The following SHISA9 variants were observed in gnomAD, a reference collection of about 807,000 sequenced individuals.
The protein encoded by SHISA9 is protein shisa-9.
Under a neutral mutation model 38.0 loss-of-function variants are expected in SHISA9, and 13 were observed. That is an observed-to-expected ratio of 0.34 (90% CI 0.22 to 0.54). SHISA9 has a LOEUF of 0.54. Among genes scored for constraint, SHISA9 ranks in the 20% least tolerant of loss-of-function variants. The probability of loss-of-function intolerance (pLI) is 0.91; values close to 1 mark genes in which losing one functional copy is unlikely to be tolerated. For synonymous variants in SHISA9, 275 were observed against 242.0 expected (o/e 1.14, Z -1.27); for missense variants, 538 against 575.8 (o/e 0.93, Z 0.67).
At chr16:13,450,765 T>C in the SHISA9 span, among the ~76,000 whole-genome samples, 1 of 151,892 alleles carries the variant, frequency 6.6e-6, no homozygotes, top group South Asian at 2.1e-4. Context: ...AAAATCTGTG[T>C]TGTTGTTTTG....
At chr16:12,953,832 AG>A (rs898776511) in intron 2 of SHISA9, among the ~76,000 whole-genome samples, 3 of 152,140 alleles carry the variant, frequency 2.0e-5, no homozygotes, top group African/African-American at 7.2e-5. Flanking sequence ...TGGAAGGCAA[AG>A]GGGAAACAAG....
intron 2 of SHISA9, among the ~76,000 whole-genome samples, chr16:13,036,765 C>T (rs1244109669): frequency 2.6e-5 from 4 of 151,322 alleles, no homozygotes; most frequent in African/African-American, 9.7e-5. Context: ...AAAAAGCTCC[C>T]ACAGCAAAAG....
chr16:13,053,368 C>T (rs1275909268), intron 2 of SHISA9, among the ~76,000 whole-genome samples: 1 of 152,184 alleles, frequency 6.6e-6, no homozygotes, highest in Non-Finnish European at 1.5e-5. Context: ...CCATTACCTC[C>T]AGCATGGTCC....
At chr16:13,391,242 A>C in the SHISA9 span, among the ~76,000 whole-genome samples, 3 of 152,156 alleles carry the variant, frequency 2.0e-5, no homozygotes, top group African/African-American at 4.8e-5. Context: ...CCTTACATTA[A>C]ATTGTACTAA....
intron 2 of SHISA9, among the ~76,000 whole-genome samples, chr16:12,931,620 A>G (rs1194793011): frequency 1.3e-5 from 2 of 152,148 alleles, no homozygotes; most frequent in Non-Finnish European, 2.9e-5. Flanking sequence ...ACATGATTTC[A>G]TTCTCTTTTT....
At chr16:12,944,838 A>T (rs1258212038) in intron 2 of SHISA9, among the ~76,000 whole-genome samples, 1 of 152,092 alleles carries the variant, frequency 6.6e-6, no homozygotes, top group Non-Finnish European at 1.5e-5. Flanking sequence ...TGAGACAAGG[A>T]TATGAGGACA....
At position 13,111,603 on chromosome 16, in the gene SHISA9, A is replaced by G. The variant is rs1050989344; in HGVS notation, c.692-91791A>G. On this transcript the variant is annotated intron_variant, in intron 2 of 4. Coordinates refer to ENST00000558583, the MANE Select transcript of SHISA9 (RefSeq NM_001145204.3). The stretch of plus-strand genomic sequence containing the variant: ...AGAAAGGCCAGAGTAAACATTAACT[A>G]TCATTACTATTAGTTTGAAATTTAT... 3.3e-5 allele frequency among the ~76,000 whole-genome samples: 5 copies of G among 152,204 alleles called. No homozygotes were observed. The South Asian group carries it at 6.2e-4, about 19-fold the overall frequency.
At chr16:13,463,309 A>C in the SHISA9 span, among the ~76,000 whole-genome samples, 1 of 152,196 alleles carries the variant, frequency 6.6e-6, no homozygotes, top group South Asian at 2.1e-4. Flanking sequence ...ACTAAGTAGC[A>C]GGTGTGGAGA....
intron 2 of SHISA9, among the ~76,000 whole-genome samples, chr16:12,922,682 G>C (rs1436842183): frequency 1.3e-5 from 2 of 152,134 alleles, no homozygotes; most frequent in Non-Finnish European, 2.9e-5. Flanking sequence ...ACCACACCCG[G>C]TTGATTTTTG....
chr16:13,209,927 C>T lies in SHISA9; in HGVS notation c.848-3326C>T, dbSNP rs141938678. Among the ~76,000 whole-genome samples, 1,121 of 152,256 alleles carry T rather than the reference C, an allele frequency of 7.4e-3. 13 individuals carry two copies. The highest frequency in any genetic ancestry group is 0.025 in the African/African-American group (1,058 of 41,534). ...CATCCTGGTTAACCCAGTGAAACCC[C>T]GTCTCTACTAAAAATACAAAGAAAT... On this transcript the variant is annotated intron_variant, in intron 3 of 4. Coordinates refer to ENST00000558583, the MANE Select transcript of SHISA9 (RefSeq NM_001145204.3).
At chr16:13,080,015 G>A (rs779703393) in intron 2 of SHISA9, among the ~76,000 whole-genome samples, 9 of 152,094 alleles carry the variant, frequency 5.9e-5, no homozygotes, top group Non-Finnish European at 1.0e-4. Context: ...GGAAGGCCGG[G>A]GGATCCAGAA....
chr16:13,144,514 T>C (rs1348385804), intron 2 of SHISA9, among the ~76,000 whole-genome samples: 2 of 152,230 alleles, frequency 1.3e-5, no homozygotes. Flanking sequence ...AGTGGGTAAT[T>C]TGGCTTCTAG....
chr16:13,141,555 G>A (rs1018175036), intron 2 of SHISA9, among the ~76,000 whole-genome samples: 2 of 151,828 alleles, frequency 1.3e-5, no homozygotes, highest in South Asian at 4.2e-4. Flanking sequence ...GTGGTGGTAC[G>A]TGCCTGTAGT....
chr16:13,041,056 G>C (rs1215179544), intron 2 of SHISA9, among the ~76,000 whole-genome samples: 2 of 152,128 alleles, frequency 1.3e-5, no homozygotes, highest in Non-Finnish European at 1.5e-5. Context: ...TGTCGTTGGG[G>C]GCTGAGCCTT....
chr16:13,465,057 G>C, the SHISA9 span, among the ~76,000 whole-genome samples: 2 of 152,082 alleles, frequency 1.3e-5, no homozygotes, highest in Non-Finnish European at 2.9e-5. Flanking sequence ...CTTGTAGCAG[G>C]GCTTCTATAC....
At chr16:13,525,956 C>G in the SHISA9 span, among the ~76,000 whole-genome samples, 4 of 152,344 alleles carry the variant, frequency 2.6e-5, no homozygotes, top group African/African-American at 9.6e-5. Context: ...AGGTGGCCCT[C>G]CATGGTGTAA....
intron 2 of SHISA9, among the ~76,000 whole-genome samples, chr16:13,186,254 G>A (rs967391735): frequency 1.3e-5 from 2 of 150,912 alleles, no homozygotes; most frequent in African/African-American, 4.9e-5. Context: ...TGAAATTGTG[G>A]GGAAAAAAAT....
the SHISA9 span, among the ~76,000 whole-genome samples, chr16:13,401,632 G>A: frequency 0.09 from 13,607 of 150,960 alleles, 795 homozygotes; most frequent in South Asian, 0.22. Context: ...TATTCCCCCC[G>A]TATGAGGACT....
In SHISA9 at chr16:12,902,117, C is replaced by T. The variant is rs1567331934; in HGVS notation, c.53C>T (p.Ala18Val). The change falls in exon 1 of 5, where the codon GCC (alanine) becomes GTC (valine). Residue 18 changes from alanine (A) to valine (V), a missense_variant. By Grantham distance (64) the Ala-to-Val change is moderately conservative. Coordinates refer to ENST00000558583, the MANE Select transcript of SHISA9 (RefSeq NM_001145204.3). Reference protein sequence around the residue: ...LLGCFLTELCARVCRAQERAG... With the variant: ...LLGCFLTELCVRVCRAQERAG... The stretch of plus-strand genomic sequence containing the variant: ...GGTTGCTTCCTCACCGAGCTGTGCG[C>T]CCGCGTGTGCCGGGCGCAGGAGCGA... The T allele has an allele frequency of 1.1e-5, 16 of 1,498,490 alleles. No homozygotes were observed. The highest frequency in any genetic ancestry group is 4.0e-4 in the Middle Eastern group (2 of 5,040). 92.8% of individuals were successfully genotyped at this position (1,498,490 alleles called of 1,614,324 possible).
Sources: gnomAD v4.1 joint callset for allele counts (sites outside exome capture counted in the v4.1 genomes callset) on GRCh38, gnomAD v4.1.1 for gene constraint, MANE v1.5 for transcripts, NCBI Gene and HGNC (gene_info 2026-07-23, HGNC 2026-07-21) for gene names.